The following MYO19 variants were observed in gnomAD, a reference collection of about 807,000 sequenced individuals.
MYO19 encodes unconventional myosin-XIX.
A neutral mutation model predicts 129.2 loss-of-function variants in MYO19; 132 were observed. The ratio of observed to expected loss-of-function variants is 1.02; its 90% CI spans 0.89 to 1.18. MYO19 has a LOEUF of 1.18. Ranked by LOEUF, MYO19 falls within the 50% of genes most tolerant of loss-of-function variation. The pLI is 0.00. For synonymous variants in MYO19, 531 were observed against 477.2 expected, an observed-to-expected ratio of 1.11 and a Z score of -1.47; for missense variants, 1,210 against 1,216.7, an observed-to-expected ratio of 0.99 and a Z score of 0.08.
chr17:36,513,159 C>T (rs563830033), intron 11 of MYO19: 17 of 1,406,396 alleles, frequency 1.2e-5, no homozygotes, highest in South Asian at 1.2e-4. Context: ...TCTGATCATG[C>T]GGTACCTTGC....
At chr17:36,499,670 T>TCTTTTC (rs1411622328) in intron 23 of MYO19, 1 of 119,784 alleles carries the variant, frequency 8.3e-6, no homozygotes, top group African/African-American at 3.4e-5. Flanking sequence ...GTTTCTTTTT[T>TCTTTTC]TTTTTTTTTT....
chr17:36,515,147 G>A lies in MYO19; in HGVS notation c.583C>T (p.Arg195Cys), dbSNP rs1215790560. 1.1e-5 allele frequency: 18 copies of A among 1,612,258 alleles called. No individual in the cohort carries two copies. Among genetic ancestry groups the A allele is most frequent in the Admixed American group, 1.7e-5 (1 of 59,810 alleles). Residue 195 changes from arginine (R) to cysteine (C), a missense_variant, in exon 8 of 26, where the codon CGC (arginine) becomes TGC (cysteine). Coordinates refer to ENST00000614623, the MANE Select transcript of MYO19 (RefSeq NM_001163735.2). ...ACTLRNNNSS[R>C]FGKFIQLQLN... ...TGGAGCTGGATGAACTTCCCAAAGCGACTGCTGTTGTTATTCCTCAGTGTA... is the reference window on the plus strand; with the variant it reads ...TGGAGCTGGATGAACTTCCCAAAGCAACTGCTGTTGTTATTCCTCAGTGTA...
chr17:36,511,192 G>A, intron 12 of MYO19, 173 bp downstream of exon 12: 1 of 713,210 alleles, frequency 1.4e-6, no homozygotes, highest in African/African-American at 1.8e-5. Context: ...GGACGATACT[G>A]TCTGCCTCAC....
intron 2 of MYO19, chr17:36,533,554 G>A (rs2073952988): frequency 6.6e-6 from 1 of 152,178 alleles, no homozygotes; most frequent in African/African-American, 2.4e-5. Flanking sequence ...ACTTTCTTGA[G>A]GCTCTGAATA....
chr17:36,505,484 T>G (rs897122777), intron 18 of MYO19, 80 bp from the exon 19 acceptor site: 11 of 982,558 alleles, frequency 1.1e-5, no homozygotes, highest in Admixed American at 2.1e-5. Context: ...AGTAACTACA[T>G]CAAATGCCTC....
chr17:36,539,532 G>C (rs1408906628), upstream of MYO19, among the ~76,000 whole-genome samples: 2 of 152,092 alleles, frequency 1.3e-5, no homozygotes, highest in Admixed American at 1.3e-4. Flanking sequence ...CTAGCACTTT[G>C]GGAGGCTGAG....
chr17:36,498,188 A>G (rs2071177941), intron 25 of MYO19, 78 bp downstream of exon 25: 5 of 1,505,382 alleles, frequency 3.3e-6, no homozygotes, highest in Non-Finnish European at 4.5e-6. Flanking sequence ...CCTCAGTCTC[A>G]TTCCCGCTGT....
At position 36,496,402 on chromosome 17, in the gene MYO19, G is replaced by T. The variant is rs766772441; in HGVS notation, c.2762C>A (p.Ser921Ter). The T allele has an allele frequency of 6.2e-7, 1 of 1,613,872 alleles. No individual in the cohort carries two copies. The highest frequency in any genetic ancestry group is 8.5e-7 in the Non-Finnish European group (1 of 1,179,828). The change falls in exon 26 of 26, where the codon TCG becomes TAG. Residue 921 changes from serine (S) to a stop codon, truncating the protein, a stop_gained. Coordinates refer to ENST00000614623, the MANE Select transcript of MYO19 (RefSeq NM_001163735.2). LOFTEE classifies it high-confidence loss of function. ...AGACTTTCTGCAGTGAAACTTTATC[G>T]ATCCCTAGAGGGGAGAGAGAGATGC... is the stretch of plus-strand genomic sequence containing the variant. Reference protein sequence around the residue: ...VTSIRALPQGSIKFHCRKSPL... With the variant: ...VTSIRALPQG
At chr17:36,533,921 G>T (rs1372032494) in intron 2 of MYO19, 32 bp downstream of exon 2, 1 of 152,176 alleles carries the variant, frequency 6.6e-6, no homozygotes, top group African/African-American at 2.4e-5. Context: ...CAGATCTCAC[G>T]GGGCTAAATG....
intron 9 of MYO19, 76 bp downstream of exon 9, chr17:36,514,370 G>A: frequency 1.1e-6 from 1 of 931,902 alleles, no homozygotes; most frequent in Non-Finnish European, 1.8e-6. Context: ...GGAGCATTCT[G>A]GGGAGTGGGG....
chr17:36,498,384 A>C lies in MYO19; in HGVS notation c.2639T>G (p.Phe880Cys), dbSNP rs773031246. 1 of 1,613,958 alleles carries C rather than the reference A, an allele frequency of 6.2e-7. No individual in the cohort carries two copies. ...LANTAMGVGS[F>C]QRKLVVWACL... ...AGCCCAGACCACTAATTTCCTCTGA[A>C]AGCTGCCTACACCCATAGCCGTATT... The change falls in exon 25 of 26, where the codon TTT (phenylalanine) becomes TGT (cysteine). Residue 880 changes from phenylalanine to cysteine, a missense_variant. Physicochemically the swap from Phe to Cys is radical, Grantham distance 205. Coordinates refer to ENST00000614623, the MANE Select transcript of MYO19 (RefSeq NM_001163735.2).
upstream of MYO19, chr17:36,538,398 A>C (rs1240970102): frequency 2.5e-6 from 4 of 1,614,176 alleles, no homozygotes; most frequent in Non-Finnish European, 2.5e-6. Context: ...TGAAGCCGAA[A>C]GAATGGAACC....
At chr17:36,509,720 T>G (rs546747876) in intron 13 of MYO19, 1 of 152,902 alleles carries the variant, frequency 6.5e-6, no homozygotes, top group South Asian at 2.1e-4. Context: ...CTCACATTTT[T>G]TCTTAAAGTA....
chr17:36,528,524 AC>A (rs60401838), intron 3 of MYO19, among the ~76,000 whole-genome samples: 13 of 151,284 alleles, frequency 8.6e-5, no homozygotes, highest in Non-Finnish European at 1.6e-4. Flanking sequence ...AAAAAAAAAA[AC>A]CAAAAAACAT....
upstream of MYO19, chr17:36,537,074 C>T (rs779317764): frequency 6.5e-7 from 1 of 1,549,812 alleles, no homozygotes; most frequent in Admixed American, 2.0e-5. Context: ...AAATCCATTC[C>T]TTTGCTCTTG....
At chr17:36,518,121 G>C (rs1389620389) in intron 6 of MYO19, among the ~76,000 whole-genome samples, 1 of 149,946 alleles carries the variant, frequency 6.7e-6, no homozygotes, top group Non-Finnish European at 1.5e-5. Context: ...TGAAGATGTT[G>C]TGCTTTCATT....
chr17:36,513,771 A>G (rs2072538455), intron 9 of MYO19, 46 bp from the exon 10 acceptor site: 1 of 1,555,822 alleles, frequency 6.4e-7, no homozygotes, highest in African/African-American at 1.4e-5. Flanking sequence ...GTCTGAGAAA[A>G]GCCCAGGCCT....
At chr17:36,500,640 G>T in intron 23 of MYO19, 190 bp downstream of exon 23, 1 of 724,870 alleles carries the variant, frequency 1.4e-6, no homozygotes, top group Non-Finnish European at 2.2e-6. Flanking sequence ...GGAGTGACTT[G>T]GTTTCCATTG....
intron 6 of MYO19, among the ~76,000 whole-genome samples, chr17:36,524,846 C>A (rs1028845373): frequency 6.6e-6 from 1 of 152,202 alleles, no homozygotes; most frequent in Admixed American, 6.5e-5. Context: ...AGTGGAAGAA[C>A]TGAGAGCTTT....
Sources: allele counts gnomAD v4.1 joint callset (sites outside exome capture counted in the v4.1 genomes callset), GRCh38; gene constraint gnomAD v4.1.1; transcripts MANE v1.5; gene names NCBI Gene and HGNC (gene_info 2026-07-23, HGNC 2026-07-21).